The following STPG1 variants were observed in gnomAD, a reference collection of about 807,000 sequenced individuals.
STPG1 encodes O(6)-methylguanine-induced apoptosis 2.
A neutral mutation model predicts 40.1 loss-of-function variants in STPG1; 33 were observed. The ratio of observed to expected loss-of-function variants is 0.82; its 90% confidence interval spans 0.62 to 1.10. The LOEUF is 1.10. Ranked by LOEUF, STPG1 falls within the 50% of genes least tolerant of loss-of-function variation. The pLI, the probability that STPG1 is intolerant of heterozygous loss-of-function variation, is 0.00. For missense variants in STPG1, 396 were observed against 415.1 expected, an observed-to-expected ratio of 0.95 and a Z score of 0.40; for synonymous variants, 150 against 155.0, an observed-to-expected ratio of 0.97 and a Z score of 0.24.
chr1:24,383,883 C>A lies in STPG1; in HGVS notation c.291+19G>T. The A allele has an allele frequency of 1.3e-6, 2 of 1,500,100 alleles. No individual in the cohort carries two copies. Among genetic ancestry groups the A allele is most frequent in the South Asian group, 2.3e-5 (2 of 88,822 alleles). The allele number at this position is 1,500,100 out of a possible 1,614,324, so 92.9% of individuals were successfully genotyped here. A position where few individuals can be genotyped will look rare whatever the true frequency, so the allele number is the denominator to read the frequency against. On this transcript the variant is annotated intron_variant, in intron 4 of 8. Coordinates refer to ENST00000337248, the MANE Select transcript of STPG1 (RefSeq NM_001199013.2). ...ATTACTGACCAGTTAATGCTTTACT[C>A]AAGAGAAGTGGTTCTCACCATTGAG...
intron 5 of STPG1, among the ~76,000 whole-genome samples, chr1:24,378,630 A>C (rs1642139782): frequency 6.6e-6 from 1 of 152,248 alleles, no homozygotes; most frequent in African/African-American, 2.4e-5. Context: ...CGTCTCAAAA[A>C]AAAGCTTGAA....
chr1:24,374,244 GTT>G (rs869037466), intron 5 of STPG1, among the ~76,000 whole-genome samples: 15 of 93,246 alleles, frequency 1.6e-4, no homozygotes, highest in East Asian at 1.1e-3. Flanking sequence ...CTAGGAAAGT[GTT>G]TTTTTTTTTT....
At chr1:24,386,892 T>C (rs1402207279) in intron 3 of STPG1, among the ~76,000 whole-genome samples, 1 of 152,204 alleles carries the variant, frequency 6.6e-6, no homozygotes, top group African/African-American at 2.4e-5. Flanking sequence ...CATTTACTAG[T>C]GCTCTAGGGA....
intron 4 of STPG1, among the ~76,000 whole-genome samples, chr1:24,380,243 G>C (rs1642223492): frequency 6.6e-6 from 1 of 152,106 alleles, no homozygotes; most frequent in African/African-American, 2.4e-5. Flanking sequence ...GATCTGAACT[G>C]CCTAAGCAAC....
At chr1:24,368,779 A>G (rs577444466) in intron 7 of STPG1, 1 of 152,492 alleles carries the variant, frequency 6.6e-6, no homozygotes, top group East Asian at 1.9e-4. Context: ...ATCTCGGCTC[A>G]CCACAATCTG....
In STPG1 at chr1:24,357,859, G is replaced by C. The variant is rs546362309; in HGVS notation, c.*684C>G. 2.0e-5 allele frequency: 6 copies of C among 307,250 alleles called. No homozygotes were observed. The highest frequency in any genetic ancestry group is 1.3e-4 in the African/African-American group (6 of 46,388). 19.0% of individuals were successfully genotyped at this position (307,250 alleles called of 1,614,324 possible). ...GAGAAAATTCAGTCCCGCCAGCAGA[G>C]AAAGTCAGGGAAAAGCGCAGCCCCC... On this transcript the variant is annotated 3_prime_UTR_variant, in exon 9 of 9. Coordinates refer to ENST00000337248, the MANE Select transcript of STPG1 (RefSeq NM_001199013.2).
chr1:24,392,539 A>G (rs537243000), intron 2 of STPG1, among the ~76,000 whole-genome samples: 2 of 152,164 alleles, frequency 1.3e-5, no homozygotes, highest in African/African-American at 4.8e-5. Flanking sequence ...AACCACGCAG[A>G]CCCCTGCCCT....
intron 5 of STPG1, among the ~76,000 whole-genome samples, chr1:24,378,791 A>G (rs1300976265): frequency 6.6e-6 from 1 of 152,262 alleles, no homozygotes; most frequent in Non-Finnish European, 1.5e-5. Context: ...AGTACAATTC[A>G]TATCTTGCGC....
chr1:24,413,135 G>A (rs1416126249), intron 1 of STPG1, among the ~76,000 whole-genome samples: 2 of 152,190 alleles, frequency 1.3e-5, no homozygotes, highest in Non-Finnish European at 2.9e-5. Context: ...TAACCCATTC[G>A]ATAGTCTTCA....
intron 6 of STPG1, 106 bp downstream of exon 6, chr1:24,373,594 CAA>C (rs1459825658): frequency 2.6e-6 from 2 of 765,776 alleles, no homozygotes; most frequent in Non-Finnish European, 4.6e-6. Flanking sequence ...CCTCCCCACC[CAA>C]AGACTAAATC....
Position 24,358,733 on chromosome 1 carries a change from A to G in STPG1, c.929-114T>C. ...TGGGGACCCCTGTGCCAGCCCCTGT[A>G]TCTTACACGTGGGGAGACAGAGAGG... is the stretch of plus-strand genomic sequence containing the variant. On this transcript the variant is annotated intron_variant, in intron 8 of 8. Transcript: ENST00000337248. 5.6e-6 allele frequency: 4 copies of G among 712,382 alleles called. No individual in the cohort carries two copies. The South Asian group carries it at 7.1e-5, about 13-fold the overall frequency. The allele number at this position is 712,382 out of a possible 1,614,324, so 44.1% of individuals were successfully genotyped here.
At chr1:24,378,752 T>C (rs1011504885) in intron 5 of STPG1, among the ~76,000 whole-genome samples, 2 of 152,218 alleles carry the variant, frequency 1.3e-5, no homozygotes, top group African/African-American at 4.8e-5. Context: ...CCAAAATAGT[T>C]TGGAAAATGG....
intron 6 of STPG1, among the ~76,000 whole-genome samples, chr1:24,372,997 A>G (rs1345701447): frequency 6.6e-6 from 1 of 152,202 alleles, no homozygotes; most frequent in African/African-American, 2.4e-5. Flanking sequence ...GCTCTTGTGT[A>G]TTCCTGAATC....
chr1:24,391,671 C>T lies in STPG1; in HGVS notation c.79G>A (p.Ala27Thr). 1 of 1,540,838 alleles carries T rather than the reference C, an allele frequency of 6.5e-7. No individual in the cohort carries two copies. The highest frequency in any genetic ancestry group is 1.4e-5 in the African/African-American group (1 of 72,736). ...RASEVQKGFT[A>T]AYPTQSSIPF... ...ATGGAGGATTGTGTTGGATATGCAG[C>T]AGTAAAACCTAAACAACAAAAATGG... The change falls in exon 3 of 9, where the codon GCT becomes ACT. Residue 27 changes from alanine to threonine, a missense_variant. By Grantham distance (58) the Ala-to-Thr change is moderately conservative. Coordinates refer to ENST00000337248, the MANE Select transcript of STPG1 (RefSeq NM_001199013.2).
Position 24,401,328 on chromosome 1 carries a change from C to T in STPG1, c.61G>A (p.Val21Ile). Reference sequence around the variant, plus strand: ...GCAAAGACACATGTACCTTTCTGTACTTCACTGGCACGTCTGGGATGTTTG... The same window carrying T: ...GCAAAGACACATGTACCTTTCTGTATTTCACTGGCACGTCTGGGATGTTTG... ...TGKHPRRASE[V>I]QKGFTAAYPT... The change falls in exon 2 of 9, where the codon GTA becomes ATA. Residue 21 changes from valine (V) to isoleucine (I), a missense_variant. Physicochemically the swap from Val to Ile is conservative, Grantham distance 29 (BLOSUM62 3). Transcript: ENST00000337248. The T allele has an allele frequency of 6.2e-7, 1 of 1,614,066 alleles. No individual in the cohort carries two copies. Among genetic ancestry groups the T allele is most frequent in the Non-Finnish European group, 8.5e-7 (1 of 1,179,952 alleles).
rs1374885584 is a variant in STPG1 at position 24,359,193 on chromosome 1, T to C, written c.929-574A>G. On this transcript the variant is annotated intron_variant, in intron 8 of 8. Coordinates refer to ENST00000337248, the MANE Select transcript of STPG1 (RefSeq NM_001199013.2). The surrounding 1 kb of genome is among the most constrained non-coding windows in gnomAD (Gnocchi z 5.3). ...GTTTACTGGAAGCTGAGCAGGCAGA[T>C]GCCGGCACGTGCACGTGCCCAGGAA... 6.6e-6 allele frequency among the ~76,000 whole-genome samples: 1 copy of C among 152,178 alleles called. No homozygotes were observed. The highest frequency in any genetic ancestry group is 2.4e-5 in the African/African-American group (1 of 41,446).
chr1:24,407,822 G>A (rs1318916586), intron 1 of STPG1, among the ~76,000 whole-genome samples: 1 of 152,094 alleles, frequency 6.6e-6, no homozygotes, highest in African/African-American at 2.4e-5. Flanking sequence ...TCTTTCTAGA[G>A]GTTACATTTG....
intron 2 of STPG1, 165 bp downstream of exon 2, chr1:24,401,154 A>T: frequency 2.0e-6 from 1 of 489,910 alleles, no homozygotes; most frequent in Non-Finnish European, 3.7e-6. Flanking sequence ...TTTCTTCCCA[A>T]TCGTCACACT....
At chr1:24,410,478 G>A (rs750398005) in intron 1 of STPG1, among the ~76,000 whole-genome samples, 7 of 152,214 alleles carry the variant, frequency 4.6e-5, no homozygotes, top group African/African-American at 7.2e-5. Context: ...ACATGGTGGC[G>A]TGCACCTGTA....
Sources: gnomAD v4.1 joint callset for allele counts (sites outside exome capture counted in the v4.1 genomes callset) on GRCh38, gnomAD v4.1.1 for gene constraint, Gnocchi (gnomAD v3.1) non-coding constraint, MANE v1.5 for transcripts, NCBI Gene and HGNC (gene_info 2026-07-23, HGNC 2026-07-21) for gene names.